The following GRIK2 variants were observed in gnomAD, a reference collection of about 807,000 sequenced individuals.
The protein encoded by GRIK2 is glutamate ionotropic receptor kainate type subunit 2, also known as glutamate receptor ionotropic, kainate 2.
A neutral mutation model predicts 100.3 loss-of-function variants in GRIK2; 32 were observed. The observed-to-expected ratio is 0.32, with a 90% CI of 0.24 to 0.43. The LOEUF (loss-of-function observed/expected upper bound fraction) is 0.43, where lower values mean the gene tolerates loss of function less well. GRIK2 is among the 20% of genes least tolerant of loss of function. The pLI, the probability that GRIK2 is intolerant of heterozygous loss-of-function variation, is 1.00. For missense variants in GRIK2, 843 were observed against 1,114.9 expected (o/e 0.76, Z 3.47); for synonymous variants, 417 against 389.4 (o/e 1.07, Z -0.83).
intron 7 of GRIK2, among the ~76,000 whole-genome samples, chr6:101,788,138 C>A (rs1170366022): frequency 6.6e-6 from 1 of 151,932 alleles, no homozygotes; most frequent in Non-Finnish European, 1.5e-5. Context: ...CTTTCATTTG[C>A]ATAGAATATC....
At chr6:101,965,064 A>G (rs1449386657) in intron 14 of GRIK2, among the ~76,000 whole-genome samples, 2 of 152,162 alleles carry the variant, frequency 1.3e-5, no homozygotes, top group African/African-American at 4.8e-5. Context: ...GGATTGAGGC[A>G]TTTGGGTGTG....
intron 7 of GRIK2, among the ~76,000 whole-genome samples, chr6:101,720,782 TAAAATA>T (rs1774427021): frequency 6.6e-6 from 1 of 151,952 alleles, no homozygotes; most frequent in South Asian, 2.1e-4. Flanking sequence ...ACTAAAAAAA[TAAAATA>T]AAATGCAAAA....
intron 9 of GRIK2, among the ~76,000 whole-genome samples, chr6:101,809,403 C>T (rs1781193745): frequency 6.6e-6 from 1 of 151,968 alleles, no homozygotes; most frequent in African/African-American, 2.4e-5. Flanking sequence ...TACTTGTTGA[C>T]TCCTGCCCTC....
intron 2 of GRIK2, among the ~76,000 whole-genome samples, chr6:101,497,551 C>A (rs1394790298): frequency 6.6e-6 from 1 of 151,562 alleles, no homozygotes. Context: ...CATTTTTGTT[C>A]CACCAGATGG....
intron 7 of GRIK2, among the ~76,000 whole-genome samples, chr6:101,703,660 AT>A (rs1343966599): frequency 2.6e-5 from 4 of 151,728 alleles, no homozygotes; most frequent in Admixed American, 6.6e-5. Flanking sequence ...AGTCACATAA[AT>A]TTTTTTTAAA....
intron 15 of GRIK2, among the ~76,000 whole-genome samples, chr6:102,052,003 T>C (rs1771224989): frequency 6.6e-6 from 1 of 152,170 alleles, no homozygotes; most frequent in Non-Finnish European, 1.5e-5. Flanking sequence ...ACTGTCTCTA[T>C]CTACATAATT....
At chr6:101,900,398 A>T (rs1787762917) in intron 12 of GRIK2, among the ~76,000 whole-genome samples, 2 of 152,090 alleles carry the variant, frequency 1.3e-5, no homozygotes, top group African/African-American at 4.8e-5. Flanking sequence ...TGGGAGGCAG[A>T]GGTAGCGGTG....
chr6:101,569,210 C>CA (rs1364915543), intron 2 of GRIK2, among the ~76,000 whole-genome samples: 1 of 151,250 alleles, frequency 6.6e-6, no homozygotes, highest in East Asian at 1.9e-4. Context: ...AATTTTAATT[C>CA]AAAAAAACCC....
intron 9 of GRIK2, among the ~76,000 whole-genome samples, chr6:101,803,501 T>A (rs1484900492): frequency 6.6e-6 from 1 of 151,848 alleles, no homozygotes; most frequent in East Asian, 1.9e-4. Context: ...GAATATTTTA[T>A]AATAAACTGG....
chr6:101,614,727 T>C (rs1332511437), intron 2 of GRIK2, among the ~76,000 whole-genome samples: 2 of 151,764 alleles, frequency 1.3e-5, no homozygotes, highest in Admixed American at 1.3e-4. Flanking sequence ...AATCAACATA[T>C]CTTCTGGGAG....
rs1472661946 is a variant in GRIK2, at chr6:101,760,668, ATAATTATATATT to A, written c.952-38968_952-38957del. 5.7e-5 allele frequency among the ~76,000 whole-genome samples: 5 copies of A among 87,250 alleles called. 1 individual carries two copies. The Admixed American group carries it at 5.9e-4, about 10-fold the overall frequency. The allele number at this position is 87,250 out of a possible 152,430, so 57.2% of individuals were successfully genotyped here. ...TATATAATTATATGTTTAATTATATATAATTATATATTTAATTATATATAATTATATATAATT... is the reference window on the plus strand; with the variant it reads ...TATATAATTATATGTTTAATTATATATAATTATATATAATTATATATAATT... On this transcript the variant is annotated intron_variant, in intron 7 of 16. Coordinates refer to ENST00000369134, the MANE Select transcript of GRIK2 (RefSeq NM_021956.5).
In GRIK2 at chr6:102,068,462, T is replaced by C. The variant is rs546056917; in HGVS notation, c.2678T>C (p.Met893Thr). 1.2e-6 allele frequency: 2 copies of C among 1,612,034 alleles called. No individual in the cohort carries two copies. Among genetic ancestry groups the C allele is most frequent in the East Asian group, 4.5e-5 (2 of 44,802 alleles). Reference sequence around the variant, plus strand: ...GTGAAAACAGAAGAAGTTATCAACATGCACACATTTAACGACAGAAGGTTG... The same window carrying C: ...GTGAAAACAGAAGAAGTTATCAACACGCACACATTTAACGACAGAAGGTTG... ...VIVKTEEVINMHTFNDRRLPG... is the reference protein window; with the variant it reads ...VIVKTEEVINTHTFNDRRLPG... The change falls in exon 17 of 17, where the codon ATG becomes ACG. Residue 893 changes from methionine to threonine, a missense_variant. This residue lies in a region of GRIK2 where 87 missense variants were observed against 83.2 expected (regional missense o/e 1.05). Coordinates refer to ENST00000369134, the MANE Select transcript of GRIK2 (RefSeq NM_021956.5).
At chr6:101,794,546 G>A (rs1021643227) in intron 7 of GRIK2, among the ~76,000 whole-genome samples, 8 of 152,050 alleles carry the variant, frequency 5.3e-5, no homozygotes, top group Non-Finnish European at 8.8e-5. Flanking sequence ...TTGCGGTTTA[G>A]TGGTTTTCTG....
chr6:102,031,373 A>G (rs1389324762), intron 14 of GRIK2, among the ~76,000 whole-genome samples: 1 of 151,212 alleles, frequency 6.6e-6, no homozygotes, highest in Non-Finnish European at 1.5e-5. Flanking sequence ...TATTTATGAA[A>G]CCTGGACCCT....
At chr6:101,645,185 A>C (rs1781463452) in intron 4 of GRIK2, among the ~76,000 whole-genome samples, 1 of 151,782 alleles carries the variant, frequency 6.6e-6, no homozygotes, top group Non-Finnish European at 1.5e-5. Flanking sequence ...AACTAAAATC[A>C]ACCATAATCT....
intron 11 of GRIK2, among the ~76,000 whole-genome samples, chr6:101,870,366 G>T (rs1393532447): frequency 6.6e-6 from 1 of 151,670 alleles, no homozygotes; most frequent in Non-Finnish European, 1.5e-5. Context: ...TTCCATCCAG[G>T]CCAGTTTGTC....
At chr6:101,425,930 A>C (rs1311890746) in intron 2 of GRIK2, among the ~76,000 whole-genome samples, 1 of 152,132 alleles carries the variant, frequency 6.6e-6, no homozygotes, top group African/African-American at 2.4e-5. Flanking sequence ...GCCATCTATT[A>C]TTCACAAGTT....
chr6:101,778,145 T>A (rs1341515965), intron 7 of GRIK2, among the ~76,000 whole-genome samples: 4 of 152,166 alleles, frequency 2.6e-5, no homozygotes, highest in African/African-American at 9.6e-5. Flanking sequence ...ATCCAAAAGA[T>A]GATTGTGTTA....
rs565073328 is a variant in GRIK2, at chr6:101,657,776, C to A, written c.542-18847C>A. On this transcript the variant is annotated intron_variant, in intron 4 of 16. Coordinates refer to ENST00000369134, the MANE Select transcript of GRIK2 (RefSeq NM_021956.5). The stretch of plus-strand genomic sequence containing the variant: ...GATTCAAAAATTCAACACAGGTTGC[C>A]TCAGTTAAGGGTGTAAATTTTTTTT... 2.6e-4 allele frequency among the ~76,000 whole-genome samples: 40 copies of A among 151,988 alleles called. No homozygotes were observed. In the South Asian group the frequency reaches 7.9e-3, roughly 30 times the overall value.
Sources: gnomAD v4.1 joint callset for allele counts (sites outside exome capture counted in the v4.1 genomes callset) on GRCh38, gnomAD v4.1.1 for gene constraint, gnomAD v4.1.1 regional missense constraint, MANE v1.5 for transcripts, NCBI Gene and HGNC (gene_info 2026-07-23, HGNC 2026-07-21) for gene names.